The following RNF216 variants were observed in gnomAD, a reference collection of about 807,000 sequenced individuals.
RNF216 encodes ring finger protein 216.
Under a neutral mutation model 110.8 loss-of-function variants are expected in RNF216, and 72 were observed. The ratio of observed to expected loss-of-function variants is 0.65; its 90% confidence interval spans 0.54 to 0.79. The LOEUF is 0.79. Ranked by LOEUF, RNF216 falls within the 30% of genes least tolerant of loss-of-function variation. The pLI is 0.00. For synonymous variants in RNF216, 495 were observed against 407.5 expected (o/e 1.21, Z -2.59); for missense variants, 1,342 against 1,141.2 (o/e 1.18, Z -2.54).
intron 15 of RNF216, among the ~76,000 whole-genome samples, chr7:5,626,637 C>A (rs543535544): frequency 6.6e-6 from 1 of 151,216 alleles, no homozygotes; most frequent in Non-Finnish European, 1.5e-5. Context: ...TGCACTCCAC[C>A]CTCCACCCTG....
intron 15 of RNF216, among the ~76,000 whole-genome samples, chr7:5,635,129 C>T (rs1409566717): frequency 6.6e-6 from 1 of 152,140 alleles, no homozygotes; most frequent in African/African-American, 2.4e-5. Flanking sequence ...TCTCCCTCAT[C>T]TGCAAAATAG....
intron 1 of RNF216, among the ~76,000 whole-genome samples, chr7:5,767,139 C>T (rs952856925): frequency 2.0e-5 from 3 of 152,178 alleles, no homozygotes; most frequent in African/African-American, 7.2e-5. Context: ...CAACCCTTTG[C>T]CTCTTCTTAT....
chr7:5,660,526 G>A (rs1291739746), intron 13 of RNF216, among the ~76,000 whole-genome samples: 1 of 151,646 alleles, frequency 6.6e-6, no homozygotes, highest in Non-Finnish European at 1.5e-5. Flanking sequence ...TCTTGACCTG[G>A]TGATCCACCC....
intron 5 of RNF216, among the ~76,000 whole-genome samples, chr7:5,733,663 C>CAAA (rs75175715): frequency 4.4e-5 from 5 of 113,794 alleles, no homozygotes; most frequent in East Asian, 3.2e-4. Flanking sequence ...AAACATTAAC[C>CAAA]AAAAAAAAAA....
intron 13 of RNF216, among the ~76,000 whole-genome samples, chr7:5,683,854 T>C (rs981017613): frequency 9.9e-5 from 15 of 152,166 alleles, no homozygotes; most frequent in Non-Finnish European, 2.1e-4. Context: ...CTAGTTGCTA[T>C]GGCCATCATT....
intron 13 of RNF216, among the ~76,000 whole-genome samples, chr7:5,693,519 T>A (rs78983013): frequency 6.6e-6 from 1 of 152,214 alleles, no homozygotes; most frequent in South Asian, 2.1e-4. Flanking sequence ...TCCAAGACAT[T>A]TGAGGAAGGA....
At chr7:5,767,803 T>C (rs1277179711) in intron 1 of RNF216, among the ~76,000 whole-genome samples, 5 of 152,148 alleles carry the variant, frequency 3.3e-5, no homozygotes, top group African/African-American at 9.7e-5. Flanking sequence ...TTTGTTATGT[T>C]GGCCAGGGTG....
chr7:5,623,119 A>C lies in RNF216; in HGVS notation c.2513T>G (p.Val838Gly). 6.3e-7 allele frequency: 1 copy of C among 1,599,872 alleles called. No individual in the cohort carries two copies. The change falls in exon 17 of 17, where the codon GTG (valine) becomes GGG (glycine). Residue 838 changes from valine to glycine, a missense_variant. By Grantham distance (109) the Val-to-Gly change is moderately radical (BLOSUM62 -3). Coordinates refer to ENST00000389902, the MANE Select transcript of RNF216 (RefSeq NM_207111.4). ...CGGAACGGGCCTCGGGAGGGCCTCC[A>C]CCCTCTGCACCTTCTCCACAGGCTT... ...LEKPVEKVQR[V>G]EALPRPVPQN... is the part of the protein sequence containing the mutation.
intron 13 of RNF216, among the ~76,000 whole-genome samples, chr7:5,653,518 G>A (rs1318176045): frequency 6.8e-6 from 1 of 146,950 alleles, no homozygotes; most frequent in African/African-American, 2.5e-5. Flanking sequence ...GGAGAAAGGC[G>A]TGAACCCGGG....
At chr7:5,702,318 G>A (rs994871156) in intron 13 of RNF216, among the ~76,000 whole-genome samples, 1 of 152,202 alleles carries the variant, frequency 6.6e-6, no homozygotes, top group Non-Finnish European at 1.5e-5. Context: ...ATTAGCATCT[G>A]ACATGAGGGA....
intron 8 of RNF216, among the ~76,000 whole-genome samples, chr7:5,722,459 G>C (rs547498585): frequency 7.5e-4 from 113 of 149,928 alleles, no homozygotes; most frequent in African/African-American, 2.4e-3. Context: ...GTGCGATCTC[G>C]GCTCACTGTC....
intron 13 of RNF216, among the ~76,000 whole-genome samples, chr7:5,676,170 C>T (rs752502518): frequency 2.2e-4 from 33 of 151,680 alleles, no homozygotes; most frequent in African/African-American, 7.7e-4. Flanking sequence ...CCACCAGGCC[C>T]GGCTAATTTT....
intron 1 of RNF216, among the ~76,000 whole-genome samples, chr7:5,768,593 C>G (rs1047937992): frequency 6.6e-6 from 1 of 151,848 alleles, no homozygotes; most frequent in African/African-American, 2.4e-5. Flanking sequence ...TGAAATCACA[C>G]AGCATGTTCT....
chr7:5,657,328 G>C (rs1411789580), intron 13 of RNF216, among the ~76,000 whole-genome samples: 1 of 152,206 alleles, frequency 6.6e-6, no homozygotes, highest in Non-Finnish European at 1.5e-5. Context: ...AGCACTTTGG[G>C]AGGTGGAGGC....
chr7:5,623,306 G>A (rs1786506884), intron 16 of RNF216, 127 bp from the exon 17 acceptor site: 1 of 724,860 alleles, frequency 1.4e-6, no homozygotes, highest in Admixed American at 3.2e-5. Flanking sequence ...CACAAAACGT[G>A]GACACCTCCC....
intron 3 of RNF216, among the ~76,000 whole-genome samples, chr7:5,745,857 C>CT (rs1199997576): frequency 7.0e-6 from 1 of 143,584 alleles, no homozygotes; most frequent in Non-Finnish European, 1.5e-5. Flanking sequence ...GATCAGGCCA[C>CT]TGCACTCCAG....
intron 1 of RNF216, among the ~76,000 whole-genome samples, chr7:5,781,115 G>A (rs1025875711): frequency 2.0e-5 from 3 of 152,208 alleles, no homozygotes; most frequent in Non-Finnish European, 4.4e-5. Context: ...CCGCCCGCCT[G>A]GGCTGGGGTT....
At chr7:5,750,743 C>A (rs547476911) in intron 3 of RNF216, among the ~76,000 whole-genome samples, 22 of 152,374 alleles carry the variant, frequency 1.4e-4, no homozygotes, top group South Asian at 1.2e-3. Context: ...AAATGTGAGA[C>A]TCTTACTCTC....
chr7:5,676,465 C>T (rs80061249), intron 13 of RNF216, among the ~76,000 whole-genome samples: 5,783 of 152,194 alleles, frequency 0.038, 153 homozygotes, highest in South Asian at 0.069. Flanking sequence ...TGAGAACTGT[C>T]GCTGGGGAAC....
Sources: gnomAD v4.1 joint callset for allele counts (sites outside exome capture counted in the v4.1 genomes callset) on GRCh38, gnomAD v4.1.1 for gene constraint, MANE v1.5 for transcripts, NCBI Gene and HGNC (gene_info 2026-07-23, HGNC 2026-07-21) for gene names.